Variants in SATB2 observed in about 807,000 individuals in gnomAD.
SATB2 encodes the protein DNA-binding protein SATB2.
In SATB2, 1 loss-of-function variant was observed where a neutral mutation model predicts 73.4. That is an observed-to-expected ratio of 0.01 (90% CI 0.00 to 0.06). SATB2 has a LOEUF of 0.06. Ranked by LOEUF, SATB2 falls within the 10% of genes least tolerant of loss-of-function variation. The pLI is 1.00. For missense variants in SATB2, 459 were observed against 945.8 expected (o/e 0.49, Z 6.75); for synonymous variants, 397 against 367.0 (o/e 1.08, Z -0.93).
chr2:199,346,553 C>T lies in SATB2; in HGVS notation c.1173+2148G>A, dbSNP rs1688656900. The stretch of plus-strand genomic sequence containing the variant: ...AATACATTTCAATTCAACCAGAGAT[C>T]CAACACACTTTCGAATAAAGAGAGA... On this transcript the variant is annotated intron_variant, in intron 7 of 10. Coordinates refer to ENST00000417098, the MANE Select transcript of SATB2 (RefSeq NM_001172509.2). 6.6e-5 allele frequency among the ~76,000 whole-genome samples: 10 copies of T among 152,236 alleles called. 1 individual carries two copies. The highest frequency in any genetic ancestry group is 6.5e-4 in the Admixed American group (10 of 15,290).
intron 3 of SATB2, chr2:199,396,552 C>T (rs6748419): frequency 0.16 from 24,267 of 152,060 alleles, 2,406 homozygotes; most frequent in East Asian, 0.47. Flanking sequence ...AAGGAGGTCA[C>T]GGTCCCACTG....
Position 199,355,350 on chromosome 2 carries a change from A to ATATATATATATC in SATB2, c.701-6178_701-6177insGATATATATATA, listed in dbSNP as rs1457990133. 5.8e-3 allele frequency among the ~76,000 whole-genome samples: 74 copies of ATATATATATATC among 12,740 alleles called. 3 individuals are homozygous for ATATATATATATC. The highest frequency in any genetic ancestry group is 7.2e-3 in the African/African-American group (70 of 9,750). 8.4% of individuals were successfully genotyped at this position (12,740 alleles called of 152,430 possible). On this transcript the variant is annotated intron_variant, in intron 6 of 10. Transcript: ENST00000417098. ...TGTGTGTGTGTGTGTGTGTGTATCT[A>ATATATATATATC]TATATATATATATATATATATATAT... is the stretch of plus-strand genomic sequence containing the variant.
At chr2:199,372,872 T>C (rs1689490495) in intron 5 of SATB2, among the ~76,000 whole-genome samples, 1 of 152,120 alleles carries the variant, frequency 6.6e-6, no homozygotes, top group Admixed American at 6.5e-5. Flanking sequence ...AATTTAAAAC[T>C]TAATAGGAAA....
At chr2:199,399,691 G>A (rs941779517) in intron 3 of SATB2, among the ~76,000 whole-genome samples, 2 of 152,158 alleles carry the variant, frequency 1.3e-5, no homozygotes, top group Admixed American at 6.5e-5. Flanking sequence ...AAGGAGGAGC[G>A]AGGCAGCTCA....
chr2:199,369,829 C>T (rs1209372299), intron 5 of SATB2, among the ~76,000 whole-genome samples: 1 of 152,152 alleles, frequency 6.6e-6, no homozygotes, highest in Non-Finnish European at 1.5e-5. Flanking sequence ...TTTAAAACAA[C>T]AGACTCCTCT....
intron 2 of SATB2, among the ~76,000 whole-genome samples, chr2:199,449,361 C>T (rs1029620949): frequency 6.6e-6 from 1 of 152,104 alleles, no homozygotes; most frequent in Non-Finnish European, 1.5e-5. Context: ...GATTTTACCA[C>T]AATTCTTAAA....
intron 6 of SATB2, among the ~76,000 whole-genome samples, chr2:199,357,993 G>A (rs538168928): frequency 2.0e-5 from 3 of 152,084 alleles, no homozygotes; most frequent in Admixed American, 6.6e-5. Flanking sequence ...TGAACTATAT[G>A]AAATTGGCGA....
At chr2:199,382,677 A>G (rs1447352435) in intron 3 of SATB2, among the ~76,000 whole-genome samples, 1 of 152,198 alleles carries the variant, frequency 6.6e-6, no homozygotes, top group Non-Finnish European at 1.5e-5. Flanking sequence ...TCTGGTACAC[A>G]GGGCACACGT....
intron 2 of SATB2, among the ~76,000 whole-genome samples, chr2:199,448,820 A>C (rs912332735): frequency 3.3e-5 from 5 of 152,152 alleles, no homozygotes; most frequent in African/African-American, 1.2e-4. Flanking sequence ...TTGTTATTTT[A>C]CAGTTTAATA....
intron 2 of SATB2, among the ~76,000 whole-genome samples, chr2:199,436,183 C>G (rs1691645990): frequency 6.6e-6 from 1 of 152,076 alleles, no homozygotes; most frequent in Non-Finnish European, 1.5e-5. Context: ...CTATGGTCAA[C>G]TGAAAAAACT....
At chr2:199,331,484 C>T (rs11688413) in intron 7 of SATB2, among the ~76,000 whole-genome samples, 119,872 of 152,028 alleles carry the variant, frequency 0.79, 48,939 homozygotes, top group Non-Finnish European at 0.89. Context: ...CCACATATTA[C>T]CCCCAGAGAA....
chr2:199,315,817 GA>G (rs1287053152), intron 9 of SATB2, among the ~76,000 whole-genome samples: 2 of 152,018 alleles, frequency 1.3e-5, no homozygotes, highest in Non-Finnish European at 2.9e-5. Flanking sequence ...TTGTCACAGT[GA>G]TTATTCCCCT....
At chr2:199,319,829 G>A (rs1258189344) in intron 9 of SATB2, among the ~76,000 whole-genome samples, 1 of 151,858 alleles carries the variant, frequency 6.6e-6, no homozygotes, top group Non-Finnish European at 1.5e-5. Context: ...GCCCATAAAA[G>A]GGAGAAGATA....
rs995387546 is a variant in SATB2, at chr2:199,316,683, G to A, written c.1542+7120C>T. On this transcript the variant is annotated intron_variant, in intron 9 of 10. Coordinates refer to ENST00000417098, the MANE Select transcript of SATB2 (RefSeq NM_001172509.2). ...CCTCTGCTGGGCTCAAGTCAAGAGGGGATTACACAAAATTTTGTTGCCCTC... is the reference window on the plus strand; with the variant it reads ...CCTCTGCTGGGCTCAAGTCAAGAGGAGATTACACAAAATTTTGTTGCCCTC... Among the ~76,000 whole-genome samples the A allele has an allele frequency of 2.0e-5, 3 of 151,860 alleles. No homozygotes were observed. In the East Asian group the frequency reaches 5.8e-4, roughly 29 times the overall value.
intron 5 of SATB2, among the ~76,000 whole-genome samples, chr2:199,370,512 C>T (rs539598417): frequency 7.2e-4 from 110 of 152,254 alleles, no homozygotes; most frequent in African/African-American, 2.5e-3. Context: ...GATACACAGC[C>T]ATGGCAGGAG....
At chr2:199,460,654 A>G (rs1015838091), upstream of SATB2, 5 of 152,342 alleles carry the variant, frequency 3.3e-5, no homozygotes, top group African/African-American at 1.2e-4. The surrounding 1 kb of genome is among the most constrained non-coding windows in gnomAD (Gnocchi z 4.0). Flanking sequence ...GCTATTTTAT[A>G]AACACCACTG....
chr2:199,334,853 C>T (rs1248697475), intron 7 of SATB2, among the ~76,000 whole-genome samples: 1 of 152,096 alleles, frequency 6.6e-6, no homozygotes, highest in South Asian at 2.1e-4. Flanking sequence ...GCTGACCCAA[C>T]AAAATCGTTT....
upstream of SATB2, among the ~76,000 whole-genome samples, chr2:199,461,389 C>T (rs1202673308): frequency 6.6e-6 from 1 of 152,148 alleles, no homozygotes; most frequent in Non-Finnish European, 1.5e-5. Context: ...TTGTTTAAAA[C>T]AGTAAATGAA....
At chr2:199,342,743 ATC>A (rs1040277006) in intron 7 of SATB2, among the ~76,000 whole-genome samples, 9 of 152,252 alleles carry the variant, frequency 5.9e-5, no homozygotes, top group African/African-American at 1.9e-4. Context: ...AAGGCTGTCT[ATC>A]TCTGACTCCA....
Sources: gnomAD v4.1 joint callset for allele counts (sites outside exome capture counted in the v4.1 genomes callset) on GRCh38, gnomAD v4.1.1 for gene constraint, Gnocchi (gnomAD v3.1) non-coding constraint, MANE v1.5 for transcripts, NCBI Gene and HGNC (gene_info 2026-07-23, HGNC 2026-07-21) for gene names.